Variants in KRT81 observed in about 807,000 individuals in gnomAD.
KRT81 encodes keratin, type II cuticular Hb1.
Under a neutral mutation model 35.8 loss-of-function variants are expected in KRT81, and 35 were observed. The ratio of observed to expected loss-of-function variants is 0.98; its 90% confidence interval spans 0.75 to 1.30. The LOEUF (loss-of-function observed/expected upper bound fraction) is 1.30. Ranked by LOEUF, KRT81 falls within the 50% of genes most tolerant of loss-of-function variation. KRT81 has a pLI of 0.00. For synonymous variants in KRT81, 249 were observed against 251.2 expected, an observed-to-expected ratio of 0.99 and a Z score of 0.08; for missense variants, 531 against 577.4, an observed-to-expected ratio of 0.92 and a Z score of 0.82.
In KRT81 at chr12:52,291,113, G is replaced by A. The variant is rs1454585172; in HGVS notation, c.353C>T (p.Ala118Val). 5.0e-6 allele frequency: 4 copies of A among 805,488 alleles called. No individual in the cohort carries two copies. The highest frequency in any genetic ancestry group is 3.3e-5 in the Admixed American group (1 of 29,962). 49.9% of individuals were successfully genotyped at this position (805,488 alleles called of 1,614,324 possible). ...GACACCCACCTTGTCGATGAAGGCC[G>A]CGAACCTGCTGTTGAGGGACTTGAT... The part of the protein sequence containing the change: ...EQIKSLNSRF[A>V]AFIDKVRFLE... Residue 118 changes from alanine (A) to valine (V), a missense_variant, in exon 1 of 9, where the codon GCG becomes GTG. Transcript: ENST00000327741.
rs759288512 is a variant in KRT81 at position 52,288,444 on chromosome 12, C to A, written c.652G>T (p.Ala218Ser). ...TCCAGGTCTGACTTGCGGAGGTAGG[C>A]GCAGTCCACATCCTGGAAAGGTGGG... is the stretch of plus-strand genomic sequence containing the variant. ...FVALKKDVDC[A>S]YLRKSDLEAN... Residue 218 changes from alanine to serine, a missense_variant, in exon 4 of 9, where the codon GCC (alanine) becomes TCC (serine). By Grantham distance (99) the Ala-to-Ser change is moderately conservative (BLOSUM62 1). Coordinates refer to ENST00000327741, the MANE Select transcript of KRT81 (RefSeq NM_002281.4). The A allele has an allele frequency of 6.2e-7, 1 of 1,614,150 alleles. No homozygotes were observed. The highest frequency in any genetic ancestry group is 2.2e-5 in the East Asian group (1 of 44,878).
At position 52,286,397 on chromosome 12, in the gene KRT81, C is replaced by T. The variant is rs1937935391; in HGVS notation, c.1376G>A (p.Gly459Glu). ...TGSVCSAPCN[G>E]NVAVSTGLCA... ...CAGGCCGGTGCTCACCGCCACGTTCCCGTTGCACGGAGCGCTGCAGACACT... is the reference window on the plus strand; with the variant it reads ...CAGGCCGGTGCTCACCGCCACGTTCTCGTTGCACGGAGCGCTGCAGACACT... Residue 459 changes from glycine to glutamate, a missense_variant, in exon 9 of 9, where the codon GGG (glycine) becomes GAG (glutamate). Coordinates refer to ENST00000327741, the MANE Select transcript of KRT81 (RefSeq NM_002281.4). 6.4e-7 allele frequency: 1 copy of T among 1,555,022 alleles called. No individual in the cohort carries two copies. Among genetic ancestry groups the T allele is most frequent in the Non-Finnish European group, 8.7e-7 (1 of 1,149,086 alleles).
At chr12:52,286,862 C>G (rs1307490283) in intron 7 of KRT81, 40 bp from the exon 8 acceptor site, 2 of 1,611,368 alleles carry the variant, frequency 1.2e-6, no homozygotes, top group Non-Finnish European at 1.7e-6. Flanking sequence ...AGTGACTGCC[C>G]CAGAGTGGCT....
chr12:52,286,720 C>G (rs1937953089), intron 8 of KRT81, 71 bp downstream of exon 8: 6 of 1,509,220 alleles, frequency 4.0e-6, no homozygotes, highest in Non-Finnish European at 1.8e-6. Context: ...CAGTAACACT[C>G]CTTTTTCCAA....
intron 5 of KRT81, 110 bp from the exon 6 acceptor site, chr12:52,287,831 T>C (rs1938003136): frequency 6.2e-7 from 1 of 1,605,786 alleles, no homozygotes; most frequent in African/African-American, 1.3e-5. Context: ...CAGCCACACA[T>C]GGCAGTCCTG....
intron 3 of KRT81, 126 bp from the exon 4 acceptor site, chr12:52,288,582 C>A: frequency 8.7e-7 from 1 of 1,154,172 alleles, no homozygotes. Context: ...CCATGCCTTT[C>A]CTCCCCTTCT....
rs1400310122 is a variant in KRT81 at position 52,291,330 on chromosome 12, C to G, written c.136G>C (p.Gly46Arg). The stretch of plus-strand genomic sequence containing the variant: ...AAGCCTCCGCACACGCTGTGGCTGC[C>G]GAAGCCCCCGGTGAGGCCGCGGTAG... The part of the protein sequence containing the change: ...SCYRGLTGGF[G>R]SHSVCGGFRA... The change falls in exon 1 of 9, where the codon GGC (glycine) becomes CGC (arginine). Residue 46 changes from glycine to arginine, a missense_variant. Transcript: ENST00000327741. The G allele has an allele frequency of 1.0e-5, 16 of 1,555,808 alleles. No homozygotes were observed. The highest frequency in any genetic ancestry group is 8.3e-5 in the South Asian group (7 of 84,692).
Position 52,286,243 on chromosome 12 carries a change from G to T in KRT81, c.*12C>A, listed in dbSNP as rs1416400366. 2 of 1,551,364 alleles carry T rather than the reference G, an allele frequency of 1.3e-6. No individual in the cohort carries two copies. The highest frequency in any genetic ancestry group is 1.4e-5 in the African/African-American group (1 of 73,392). ...GAAAGATGCCTGGGGCCTGGGACTT[G>T]AGTTGGGGTGCCTAACATTTCCGGC... On this transcript the variant is annotated 3_prime_UTR_variant, in exon 9 of 9. Transcript: ENST00000327741.
rs1937936774 is a variant in KRT81 at position 52,286,415 on chromosome 12, C to T, written c.1358G>A (p.Cys453Tyr). The part of the protein sequence containing the change: ...SGSRPVTGSV[C>Y]SAPCNGNVAV... Reference sequence around the variant, plus strand: ...CACGTTCCCGTTGCACGGAGCGCTGCAGACACTGCCAGTCACTGGCCGGGA... The same window carrying T: ...CACGTTCCCGTTGCACGGAGCGCTGTAGACACTGCCAGTCACTGGCCGGGA... The change falls in exon 9 of 9, where the codon TGC becomes TAC. Residue 453 changes from cysteine (C) to tyrosine (Y), a missense_variant. Cys to Tyr is a radical substitution (Grantham distance 194). Transcript: ENST00000327741. 1.9e-6 allele frequency: 3 copies of T among 1,553,794 alleles called. No individual in the cohort carries two copies. Among genetic ancestry groups the T allele is most frequent in the Non-Finnish European group, 2.6e-6 (3 of 1,148,486 alleles).
intron 5 of KRT81, 56 bp from the exon 6 acceptor site, chr12:52,287,777 G>T (rs2083308294): frequency 3.7e-6 from 6 of 1,613,922 alleles, no homozygotes; most frequent in Middle Eastern, 3.3e-4. Flanking sequence ...ATCCATTCAG[G>T]ACACCACAGA....
In KRT81 at chr12:52,287,848, C is replaced by T. The variant is rs529646026; in HGVS notation, c.901-127G>A. 3.1e-6 allele frequency: 5 copies of T among 1,601,990 alleles called. No homozygotes were observed. The South Asian group carries it at 3.3e-5, about 11-fold the overall frequency. On this transcript the variant is annotated intron_variant, in intron 5 of 8. Transcript: ENST00000327741. ...GCCACACATGGCAGTCCTGCCCTGC[C>T]ACCCCAACCTCAGATTGGCAGCCCT...
rs573645133 is a variant in KRT81 at position 52,287,688 on chromosome 12, C to G, written c.934G>C (p.Gly312Arg). ...TCCTTGGTGCGGCGCAGGGTCTCCC[C>G]GTGCCTGATCACCGTGGCCTTCATC... ...EEMKATVIRH[G>R]ETLRRTKEEI... Residue 312 changes from glycine (G) to arginine (R), a missense_variant, in exon 6 of 9, where the codon GGG (glycine) becomes CGG (arginine). Physicochemically the swap from Gly to Arg is moderately radical, Grantham distance 125. Coordinates refer to ENST00000327741, the MANE Select transcript of KRT81 (RefSeq NM_002281.4). 6.2e-7 allele frequency: 1 copy of G among 1,613,934 alleles called. No individual in the cohort carries two copies. The highest frequency in any genetic ancestry group is 1.7e-4 in the Middle Eastern group (1 of 6,056).
At position 52,286,042 on chromosome 12, in the gene KRT81, C is replaced by A; in HGVS notation, c.*213G>T. On this transcript the variant is annotated 3_prime_UTR_variant, in exon 9 of 9. Transcript: ENST00000327741. The stretch of plus-strand genomic sequence containing the variant: ...TCCTGAGGCCCCTTCCTATGGGTGC[C>A]AGCGGACTTCTTTCTAGGGTGGCCT... The A allele has an allele frequency of 6.7e-6, 4 of 592,606 alleles. No homozygotes were observed. In the South Asian group the frequency reaches 8.0e-5, roughly 12 times the overall value. 36.7% of individuals were successfully genotyped at this position (592,606 alleles called of 1,614,324 possible).
intron 3 of KRT81, 65 bp from the exon 4 acceptor site, chr12:52,288,521 TG>T: frequency 6.3e-7 from 1 of 1,575,872 alleles, no homozygotes; most frequent in Non-Finnish European, 8.7e-7. Flanking sequence ...CTCCTCTCTC[TG>T]CCCATCCATT....
In KRT81 at chr12:52,286,485, T is replaced by C; in HGVS notation, c.1288A>G (p.Ser430Gly). The C allele has an allele frequency of 6.4e-7, 1 of 1,552,370 alleles. No homozygotes were observed. Residue 430 changes from serine (S) to glycine (G), a missense_variant, in exon 9 of 9, where the codon AGC becomes GGC. Physicochemically the swap from Ser to Gly is moderately conservative, Grantham distance 56 (BLOSUM62 0). Coordinates refer to ENST00000327741, the MANE Select transcript of KRT81 (RefSeq NM_002281.4). ...CCGCACACGACCCCGCCCCGGGAGC[T>C]GCTGACACCTGTGAACCCCGAAGGC... ...GIGAVNVCVSSSRGGVVCGDL... is the reference protein window; with the variant it reads ...GIGAVNVCVSGSRGGVVCGDL...
Position 52,287,236 on chromosome 12 carries a change from C to T in KRT81, c.1113G>A (p.Leu371=), listed in dbSNP as rs773758246. The change falls in exon 7 of 9, where the codon CTG becomes CTA. Residue 371 remains leucine (L), a synonymous_variant. Transcript: ENST00000327741. ...LSDARCKLAE[L]EGALQKAKQD... Reference sequence around the variant, plus strand: ...GCTTGGCCTTCTGCAGGGCGCCCTCCAGCTCGGCCAGCTTGCAGCGGGCAT... The same window carrying T: ...GCTTGGCCTTCTGCAGGGCGCCCTCTAGCTCGGCCAGCTTGCAGCGGGCAT... 2.5e-5 allele frequency: 41 copies of T among 1,614,068 alleles called. No homozygotes were observed. In the South Asian group the frequency reaches 4.5e-4, roughly 18 times the overall value.
chr12:52,287,997 C>T lies in KRT81; in HGVS notation c.887G>A (p.Trp296Ter), dbSNP rs1423582351. 4 of 1,614,214 alleles carry T rather than the reference C, an allele frequency of 2.5e-6. No homozygotes were observed. Among genetic ancestry groups the T allele is most frequent in the Admixed American group, 1.7e-5 (1 of 60,028 alleles). Residue 296 changes from tryptophan (W) to a stop codon, truncating the protein, a stop_gained, in exon 5 of 9, where the codon TGG (tryptophan) becomes TAG (stop). Coordinates refer to ENST00000327741, the MANE Select transcript of KRT81 (RefSeq NM_002281.4). LOFTEE classifies it high-confidence loss of function. ...TGTGCCACTCACCTTGCTGCGGTACCAGGACTCGGCCTCGGCCCGGCTGCG... is the reference window on the plus strand; with the variant it reads ...TGTGCCACTCACCTTGCTGCGGTACTAGGACTCGGCCTCGGCCCGGCTGCG... ...VTRSRAEAES[W>*]YRSKCEEMKA...
intron 5 of KRT81, 129 bp from the exon 6 acceptor site, chr12:52,287,850 C>T: frequency 1.2e-6 from 2 of 1,601,008 alleles, no homozygotes; most frequent in East Asian, 2.2e-5. Context: ...TGCCCTGCCA[C>T]CCCAACCTCA....
In KRT81 at chr12:52,288,189, C is replaced by G. The variant is rs757731348; in HGVS notation, c.736-41G>C. 112 of 1,600,218 alleles carry G rather than the reference C, an allele frequency of 7.0e-5. No individual in the cohort carries two copies. In the African/African-American group the frequency reaches 1.2e-3, roughly 18 times the overall value. On this transcript the variant is annotated intron_variant, in intron 4 of 8. Transcript: ENST00000327741. ...GCAGTGACTTTAGTTGAGAATACAGCCCCACCCACCATGTCCTGACTCCAC... is the reference window on the plus strand; with the variant it reads ...GCAGTGACTTTAGTTGAGAATACAGGCCCACCCACCATGTCCTGACTCCAC...
Sources: allele counts gnomAD v4.1 joint callset, GRCh38; gene constraint gnomAD v4.1.1; transcripts MANE v1.5; gene names NCBI Gene and HGNC (gene_info 2026-07-23, HGNC 2026-07-21).